The following POFUT3 variants were observed in gnomAD, a reference collection of about 807,000 sequenced individuals.
POFUT3 encodes GDP-fucose protein O-fucosyltransferase 3.
At chr8:33,320,744 A>G in the POFUT3 span, among the ~76,000 whole-genome samples, 1 of 152,098 alleles carries the variant, frequency 6.6e-6, no homozygotes, top group African/African-American at 2.4e-5. Context: ...CATGGCCTCC[A>G]TGAGGCTTGG....
At chr8:33,398,979 A>G in the POFUT3 span, among the ~76,000 whole-genome samples, 2 of 152,112 alleles carry the variant, frequency 1.3e-5, no homozygotes, top group African/African-American at 2.4e-5. Context: ...CTATCTTTAA[A>G]CCATGGGATG....
chr8:33,309,080 T>C, the POFUT3 span, among the ~76,000 whole-genome samples: 1 of 140,802 alleles, frequency 7.1e-6, no homozygotes, highest in Non-Finnish European at 1.5e-5. Flanking sequence ...TGTCTGACTC[T>C]GGAGCCCCGG....
the POFUT3 span, among the ~76,000 whole-genome samples, chr8:33,320,816 A>G: frequency 2.0e-5 from 3 of 152,104 alleles, no homozygotes; most frequent in African/African-American, 7.2e-5. Flanking sequence ...AAAACCAAGC[A>G]TTCCAGGAGG....
chr8:33,411,839 G>C, the POFUT3 span, among the ~76,000 whole-genome samples: 1 of 152,112 alleles, frequency 6.6e-6, no homozygotes, highest in Non-Finnish European at 1.5e-5. Flanking sequence ...AACCTAGAGG[G>C]ATTCATCTAC....
At chr8:33,418,415 T>C in the POFUT3 span, among the ~76,000 whole-genome samples, 2 of 147,874 alleles carry the variant, frequency 1.4e-5, no homozygotes, top group Non-Finnish European at 3.0e-5. Context: ...GGAACTCTTT[T>C]TTTTTTTTTT....
chr8:33,315,753 TAAG>T, the POFUT3 span, among the ~76,000 whole-genome samples: 1 of 152,150 alleles, frequency 6.6e-6, no homozygotes, highest in East Asian at 1.9e-4. Context: ...ATTTGAATAA[TAAG>T]ACCTCTTTTT....
the POFUT3 span, among the ~76,000 whole-genome samples, chr8:33,390,439 A>G: frequency 1.3e-3 from 201 of 152,162 alleles, no homozygotes; most frequent in African/African-American, 4.6e-3. Context: ...AGTGTTACCT[A>G]CAAGTAAATA....
chr8:33,310,258 C>CA, the POFUT3 span, among the ~76,000 whole-genome samples: 22 of 133,580 alleles, frequency 1.6e-4, no homozygotes, highest in South Asian at 2.8e-4. Flanking sequence ...GAATTACTAC[C>CA]AAAAAAAAGA....
At chr8:33,381,709 T>C in the POFUT3 span, among the ~76,000 whole-genome samples, 1 of 152,200 alleles carries the variant, frequency 6.6e-6, no homozygotes, top group African/African-American at 2.4e-5. Flanking sequence ...ATGGAATCTC[T>C]GTAACAGCTG....
chr8:33,377,087 C>T, the POFUT3 span, among the ~76,000 whole-genome samples: 11 of 152,036 alleles, frequency 7.2e-5, no homozygotes, highest in Non-Finnish European at 1.6e-4. Flanking sequence ...AACAAATTAG[C>T]TGGGCATGGT....
At chr8:33,359,470 C>T in the POFUT3 span, among the ~76,000 whole-genome samples, 1 of 152,082 alleles carries the variant, frequency 6.6e-6, no homozygotes, top group Non-Finnish European at 1.5e-5. Flanking sequence ...CCCTATAGAA[C>T]AAAGGGAGCC....
the POFUT3 span, among the ~76,000 whole-genome samples, chr8:33,445,235 T>TG: frequency 0.011 from 1,623 of 152,214 alleles, 30 homozygotes; most frequent in African/African-American, 0.037. Context: ...CGCCTAGCCA[T>TG]GACCTTCATT....
the POFUT3 span, chr8:33,461,556 G>A: frequency 1.2e-3 from 1,884 of 1,577,614 alleles, 29 homozygotes; most frequent in African/African-American, 0.022. Flanking sequence ...CCATCTGGGC[G>A]CCAATTTCCT....
chr8:33,374,021 G>A, the POFUT3 span, among the ~76,000 whole-genome samples: 2 of 152,124 alleles, frequency 1.3e-5, no homozygotes, highest in African/African-American at 2.4e-5. Flanking sequence ...ACTGTTCCCT[G>A]GCCTGTTAGG....
the POFUT3 span, among the ~76,000 whole-genome samples, chr8:33,357,226 G>C: frequency 1.3e-5 from 2 of 152,134 alleles, no homozygotes; most frequent in Non-Finnish European, 2.9e-5. Context: ...TTGGTAGCTT[G>C]ATGGGGATGG....
At chr8:33,437,443 A>G in the POFUT3 span, among the ~76,000 whole-genome samples, 15 of 151,052 alleles carry the variant, frequency 9.9e-5, no homozygotes, top group South Asian at 8.4e-4. Context: ...ATTGGAGGGG[A>G]AAAAAAAACC....
At chr8:33,402,283 A>C in the POFUT3 span, among the ~76,000 whole-genome samples, 1 of 152,210 alleles carries the variant, frequency 6.6e-6, no homozygotes, top group Non-Finnish European at 1.5e-5. Flanking sequence ...ATACCAACCG[A>C]ATGCTTTTTT....
the POFUT3 span, among the ~76,000 whole-genome samples, chr8:33,404,370 T>G: frequency 6.8e-6 from 1 of 146,874 alleles, no homozygotes; most frequent in South Asian, 2.1e-4. Flanking sequence ...AAAAAGAAAA[T>G]TCGGGTTCTC....
chr8:33,325,605 C>T, the POFUT3 span, among the ~76,000 whole-genome samples: 1 of 152,262 alleles, frequency 6.6e-6, no homozygotes, highest in African/African-American at 2.4e-5. Context: ...AGGGCAGTGG[C>T]TCCCTTTACA....
Sources: gnomAD v4.1 joint callset for allele counts (sites outside exome capture counted in the v4.1 genomes callset) on GRCh38, gnomAD v4.1.1 for gene constraint, MANE v1.5 for transcripts, NCBI Gene and HGNC (gene_info 2026-07-23, HGNC 2026-07-21) for gene names.